RASGRF1: variants seen among roughly 807,000 people sequenced by gnomAD.
RASGRF1 encodes the protein Ras protein specific guanine nucleotide releasing factor 1.
RASGRF1 carries 40 observed loss-of-function variants against 138.7 expected under a neutral mutation model. The ratio of observed to expected loss-of-function variants is 0.29; its 90% CI spans 0.22 to 0.38. RASGRF1 has a LOEUF of 0.38. Among genes scored for constraint, RASGRF1 ranks in the 10% least tolerant of loss-of-function variants. The probability of loss-of-function intolerance (pLI) is 1.00; values close to 1 mark genes in which losing one functional copy is unlikely to be tolerated. For synonymous variants in RASGRF1, 614 were observed against 663.2 expected, an observed-to-expected ratio of 0.93 and a Z score of 1.14; for missense variants, 1,108 against 1,650.4, an observed-to-expected ratio of 0.67 and a Z score of 5.69.
In RASGRF1 at chr15:79,049,523, T is replaced by C; in HGVS notation, c.597A>G (p.Glu199=). ...TCTTAATTTTCTTGATGTCGCTGTC[T>C]TCATCGTTGGGGGCGACAGTCTGGG... The part of the protein sequence containing the change: ...QSTQTVAPND[E]DSDIKKIKKV... The change falls in exon 4 of 27, where the codon GAA becomes GAG. Residue 199 remains glutamate (E), a synonymous_variant. Transcript: ENST00000558480. The C allele has an allele frequency of 6.2e-7, 1 of 1,614,070 alleles. No individual in the cohort carries two copies. The highest frequency in any genetic ancestry group is 8.5e-7 in the Non-Finnish European group (1 of 1,179,992).
intron 2 of RASGRF1, among the ~76,000 whole-genome samples, chr15:79,059,872 G>C (rs955728270): frequency 2.0e-5 from 3 of 151,734 alleles, no homozygotes; most frequent in Non-Finnish European, 4.4e-5. Context: ...TATCTATTAT[G>C]TATATGTAAA....
intron 10 of RASGRF1, among the ~76,000 whole-genome samples, chr15:79,022,242 C>A (rs889107503): frequency 2.6e-4 from 39 of 152,122 alleles, no homozygotes; most frequent in Non-Finnish European, 1.6e-4. Flanking sequence ...GAGTTTGAGA[C>A]CAGCCTGACC....
rs114942718 is a variant in RASGRF1, at chr15:79,015,442, C to G, written c.1744-33G>C. On this transcript the variant is annotated intron_variant, in intron 12 of 26. Coordinates refer to ENST00000558480, the MANE Select transcript of RASGRF1 (RefSeq NM_001145648.3). ...CAGAGAGAGGACCCCAGGGTCAGAG[C>G]TCTCCATTCCTGGACCCAGGCCCAC... 6.9e-4 allele frequency: 1,096 copies of G among 1,582,300 alleles called. 7 individuals carry two copies. The African/African-American group carries it at 0.013, about 19-fold the overall frequency.
At chr15:78,976,779 T>C (rs1163589893) in intron 24 of RASGRF1, among the ~76,000 whole-genome samples, 1 of 152,214 alleles carries the variant, frequency 6.6e-6, no homozygotes, top group Non-Finnish European at 1.5e-5. Context: ...CCTTCCATAT[T>C]GGCCTTTTGG....
At chr15:79,000,858 G>T (rs2056506206) in intron 16 of RASGRF1, among the ~76,000 whole-genome samples, 1 of 152,220 alleles carries the variant, frequency 6.6e-6, no homozygotes, top group South Asian at 2.1e-4. Flanking sequence ...CTAAAGCTCG[G>T]TGACCCTGTT....
At chr15:78,991,927 G>A (rs2056277916) in intron 20 of RASGRF1, 133 bp from the exon 21 acceptor site, 8 of 659,076 alleles carry the variant, frequency 1.2e-5, no homozygotes, top group South Asian at 8.8e-5. Context: ...ACGCTGCCTC[G>A]AATCTGATGA....
chr15:79,076,291 G>T (rs1006542487), intron 1 of RASGRF1, among the ~76,000 whole-genome samples: 1 of 151,884 alleles, frequency 6.6e-6, no homozygotes, highest in African/African-American at 2.4e-5. Flanking sequence ...AGAGTGGTGG[G>T]TGGGGAGGGG....
At chr15:78,962,566 T>C (rs989816519) in intron 26 of RASGRF1, among the ~76,000 whole-genome samples, 9 of 152,238 alleles carry the variant, frequency 5.9e-5, no homozygotes, top group African/African-American at 2.2e-4. Context: ...GTCACAATTC[T>C]GTCAGTGTTT....
intron 14 of RASGRF1, chr15:79,004,827 A>G (rs2056634648): frequency 1.0e-6 from 1 of 985,454 alleles, no homozygotes; most frequent in Non-Finnish European, 1.2e-6. Flanking sequence ...CGTTGCACAC[A>G]GGATAGGATT....
At chr15:79,077,977 T>C (rs534634749) in intron 1 of RASGRF1, among the ~76,000 whole-genome samples, 2 of 152,302 alleles carry the variant, frequency 1.3e-5, no homozygotes, top group East Asian at 3.9e-4. Context: ...GGTCCCACTC[T>C]GCTGCTCTGG....
chr15:79,020,076 G>A lies in RASGRF1; in HGVS notation c.1571C>T (p.Thr524Ile), dbSNP rs778731561. Residue 524 changes from threonine (T) to isoleucine (I), a missense_variant, in exon 11 of 27, where the codon ACT (threonine) becomes ATT (isoleucine). This residue lies in a region of RASGRF1 where 686 missense variants were observed against 976.7 expected (regional missense o/e 0.70). Coordinates refer to ENST00000558480, the MANE Select transcript of RASGRF1 (RefSeq NM_001145648.3). ...CGTGCTTTCTGGCTCCTCCAATAAA[G>A]TGCAGTCAATGAGGGATATGACTCC... ...KNGVISLIDC[T>I]LLEEPESTEE... 1 of 1,614,114 alleles carries A rather than the reference G, an allele frequency of 6.2e-7. No homozygotes were observed. Among genetic ancestry groups the A allele is most frequent in the Non-Finnish European group, 8.5e-7 (1 of 1,180,044 alleles).
At chr15:79,035,322 A>G (rs1030675438) in intron 5 of RASGRF1, 112 bp from the exon 6 acceptor site, 2 of 810,690 alleles carry the variant, frequency 2.5e-6, no homozygotes, top group Non-Finnish European at 3.9e-6. Context: ...TTCTCATGTG[A>G]GACCTTAACG....
At position 79,027,934 on chromosome 15, in the gene RASGRF1, T is replaced by C. The variant is rs2057083494; in HGVS notation, c.1263-75A>G. 2.1e-6 allele frequency: 3 copies of C among 1,441,218 alleles called. No individual in the cohort carries two copies. In the African/African-American group the frequency reaches 4.2e-5, roughly 20 times the overall value. 89.3% of individuals were successfully genotyped at this position (1,441,218 alleles called of 1,614,324 possible). ...CAGGGAGGCGAGAATGCCAGGCTTC[T>C]GGCCAGACCTAGGAAGAAAGCCTGG... is the stretch of plus-strand genomic sequence containing the variant. On this transcript the variant is annotated intron_variant, in intron 8 of 26. Transcript: ENST00000558480. The surrounding 1 kb of genome is among the most constrained non-coding windows in gnomAD (Gnocchi z 4.8).
intron 13 of RASGRF1, chr15:79,012,614 C>A: frequency 6.5e-7 from 1 of 1,540,672 alleles, no homozygotes; most frequent in Non-Finnish European, 8.8e-7. Context: ...CACTTTATCA[C>A]CATCATTATT....
At chr15:78,992,395 G>A (rs2056289614) in intron 20 of RASGRF1, among the ~76,000 whole-genome samples, 1 of 152,238 alleles carries the variant, frequency 6.6e-6, no homozygotes, top group African/African-American at 2.4e-5. Context: ...CACTATTTGG[G>A]CCCTTCGACC....
chr15:78,978,581 C>G, intron 24 of RASGRF1: 3 of 988,398 alleles, frequency 3.0e-6, no homozygotes, highest in Non-Finnish European at 3.6e-6. Flanking sequence ...TATGAATGGG[C>G]TGCAGACCAA....
At chr15:79,017,644 C>T in intron 12 of RASGRF1, 126 bp downstream of exon 12, 2 of 1,224,028 alleles carry the variant, frequency 1.6e-6, no homozygotes, top group East Asian at 2.7e-5. Flanking sequence ...AAGATTCTTG[C>T]ATCTTTCTCT....
At chr15:79,071,011 TC>T (rs2057748028) in intron 1 of RASGRF1, among the ~76,000 whole-genome samples, 1 of 152,342 alleles carries the variant, frequency 6.6e-6, no homozygotes, top group East Asian at 1.9e-4. Flanking sequence ...AGACCTCTTA[TC>T]CTCTGCTGGT....
chr15:79,090,079 C>T (rs1424661206), intron 1 of RASGRF1, 144 bp downstream of exon 1: 2 of 1,215,028 alleles, frequency 1.6e-6, no homozygotes, highest in African/African-American at 3.1e-5. Context: ...GAGCAAGCCT[C>T]CCCTCTCGCT....
Sources: gnomAD v4.1 joint callset for allele counts (sites outside exome capture counted in the v4.1 genomes callset) on GRCh38, gnomAD v4.1.1 for gene constraint, gnomAD v4.1.1 regional missense constraint, Gnocchi (gnomAD v3.1) non-coding constraint, MANE v1.5 for transcripts, NCBI Gene and HGNC (gene_info 2026-07-23, HGNC 2026-07-21) for gene names.